Variants in MRPS5 observed in about 807,000 individuals in gnomAD.
MRPS5 encodes the protein small ribosomal subunit protein uS5m.
MRPS5 carries 27 observed loss-of-function variants against 51.9 expected under a neutral mutation model. That is an observed-to-expected ratio of 0.52 (90% CI 0.38 to 0.72). MRPS5 has a LOEUF of 0.72. Ranked by LOEUF, MRPS5 falls within the 30% of genes least tolerant of loss-of-function variation. The pLI, the probability that MRPS5 is intolerant of heterozygous loss-of-function variation, is 0.00. For missense variants in MRPS5, 570 were observed against 545.7 expected, an observed-to-expected ratio of 1.04 and a Z score of -0.44; for synonymous variants, 196 against 193.2, an observed-to-expected ratio of 1.01 and a Z score of -0.12.
chr2:95,099,565 C>T lies in MRPS5; in HGVS notation c.931+909G>A, dbSNP rs530987457. 2.6e-5 allele frequency among the ~76,000 whole-genome samples: 4 copies of T among 152,304 alleles called. No individual in the cohort carries two copies. The South Asian group carries it at 8.3e-4, about 32-fold the overall frequency. ...AGCACATCTCAATAGCCACATATTACGTGCTCAATAGCCAGGCCCGCTAGT... is the reference window on the plus strand; with the variant it reads ...AGCACATCTCAATAGCCACATATTATGTGCTCAATAGCCAGGCCCGCTAGT... On this transcript the variant is annotated intron_variant, in intron 10 of 11. Coordinates refer to ENST00000272418, the MANE Select transcript of MRPS5 (RefSeq NM_031902.5).
Position 95,087,490 on chromosome 2 carries a change from G to GGGGAC in MRPS5, c.1155_1159dup (p.Pro387ArgfsTer7). 6.2e-7 allele frequency: 1 copy of GGGGAC among 1,614,190 alleles called. No individual in the cohort carries two copies. Among genetic ancestry groups the GGGGAC allele is most frequent in the South Asian group, 1.1e-5 (1 of 91,090 alleles). On this transcript the variant is annotated frameshift_variant, in exon 12 of 12. Coordinates refer to ENST00000272418, the MANE Select transcript of MRPS5 (RefSeq NM_031902.5). LOFTEE classifies it high-confidence loss of function. Reference sequence around the variant, plus strand: ...TGGATCCTTCCTCAAGGGCCCCCGGGGGGACGCAACCACAATGGGCAGAGG... The same window carrying GGGGAC: ...TGGATCCTTCCTCAAGGGCCCCCGGGGGGACGGGACGCAACCACAATGGGCAGAGG...
chr2:95,115,713 G>A (rs1362752173), intron 2 of MRPS5, among the ~76,000 whole-genome samples: 1 of 152,188 alleles, frequency 6.6e-6, no homozygotes, highest in Non-Finnish European at 1.5e-5. Flanking sequence ...GCCTCTGGGA[G>A]ATGAGTTACT....
intron 11 of MRPS5, among the ~76,000 whole-genome samples, chr2:95,090,102 G>A (rs1049258477): frequency 6.7e-6 from 1 of 149,530 alleles, no homozygotes; most frequent in South Asian, 2.1e-4. Flanking sequence ...GCGTGAACCC[G>A]GGAGGCGGAG....
At chr2:95,089,211 A>G (rs1464582939) in intron 11 of MRPS5, among the ~76,000 whole-genome samples, 1 of 152,248 alleles carries the variant, frequency 6.6e-6, no homozygotes. Flanking sequence ...AGACAGTAAC[A>G]CACACAAAAG....
chr2:95,093,867 C>T (rs1675539357), intron 10 of MRPS5, among the ~76,000 whole-genome samples: 1 of 152,198 alleles, frequency 6.6e-6, no homozygotes, highest in African/African-American at 2.4e-5. Context: ...CAGAACAAAG[C>T]TGGATGGAGA....
intron 1 of MRPS5, among the ~76,000 whole-genome samples, chr2:95,121,500 C>A (rs1008289856): frequency 2.6e-5 from 4 of 152,196 alleles, no homozygotes; most frequent in Non-Finnish European, 5.9e-5. Context: ...TGGGAAGAAC[C>A]CTGAAGAACG....
chr2:95,099,076 G>A lies in MRPS5; in HGVS notation c.931+1398C>T, dbSNP rs1321925126. On this transcript the variant is annotated intron_variant, in intron 10 of 11. Transcript: ENST00000272418. ...TGGGACTACAGGCGCCTGCCACTGCGCCCAGCTAATTTTTTGTATTTTTAG... is the reference window on the plus strand; with the variant it reads ...TGGGACTACAGGCGCCTGCCACTGCACCCAGCTAATTTTTTGTATTTTTAG... 3.3e-5 allele frequency among the ~76,000 whole-genome samples: 5 copies of A among 151,384 alleles called. No individual in the cohort carries two copies. The South Asian group carries it at 8.4e-4, about 25-fold the overall frequency.
At chr2:95,108,443 A>C in intron 4 of MRPS5, 35 bp from the exon 5 acceptor site, 1 of 1,540,224 alleles carries the variant, frequency 6.5e-7, no homozygotes, top group Non-Finnish European at 8.9e-7. Context: ...TAATTTTGTT[A>C]AAGTACTCAT....
At chr2:95,100,705 T>C in intron 9 of MRPS5, 132 bp downstream of exon 9, 1 of 902,146 alleles carries the variant, frequency 1.1e-6, no homozygotes, top group Non-Finnish European at 1.7e-6. Flanking sequence ...GGAGATTTGT[T>C]TTCACACTTC....
At chr2:95,102,811 T>C (rs1423820220) in intron 7 of MRPS5, among the ~76,000 whole-genome samples, 4 of 152,270 alleles carry the variant, frequency 2.6e-5, no homozygotes, top group Non-Finnish European at 5.9e-5. Context: ...CACTTCACTA[T>C]GAAATACAGT....
Position 95,098,411 on chromosome 2 carries a change from T to C in MRPS5, c.931+2063A>G, listed in dbSNP as rs551515320. Among the ~76,000 whole-genome samples, 364 of 152,304 alleles carry C rather than the reference T, an allele frequency of 2.4e-3. 1 individual carries two copies. The highest frequency in any genetic ancestry group is 8.5e-3 in the African/African-American group (353 of 41,562). ...CACACATATGTTTATTGCGGCACTA[T>C]TCACAATAGCAAAGACTTGGAATCA... is the stretch of plus-strand genomic sequence containing the variant. On this transcript the variant is annotated intron_variant, in intron 10 of 11. Transcript: ENST00000272418.
At chr2:95,103,688 G>A (rs371358413) in intron 7 of MRPS5, 2 of 152,122 alleles carry the variant, frequency 1.3e-5, no homozygotes, top group Non-Finnish European at 2.9e-5. Flanking sequence ...TTCAGCAGTA[G>A]GGAAAAGGTT....
intron 2 of MRPS5, 141 bp downstream of exon 2, chr2:95,117,724 G>GT: frequency 1.5e-6 from 1 of 677,122 alleles, no homozygotes. Context: ...GATTATTGCA[G>GT]TAAGACTAAC....
chr2:95,100,996 C>A, intron 8 of MRPS5, 102 bp from the exon 9 acceptor site: 1 of 1,044,746 alleles, frequency 9.6e-7, no homozygotes, highest in South Asian at 1.5e-5. Flanking sequence ...CAAAAATTCA[C>A]TTACGCAAAA....
chr2:95,101,112 G>C (rs1244237780), intron 8 of MRPS5, among the ~76,000 whole-genome samples: 1 of 152,088 alleles, frequency 6.6e-6, no homozygotes, highest in Non-Finnish European at 1.5e-5. Context: ...GGCTAGGCAT[G>C]GTGGCTCACA....
chr2:95,117,137 T>C (rs1457480555), intron 2 of MRPS5, among the ~76,000 whole-genome samples: 6 of 146,852 alleles, frequency 4.1e-5, no homozygotes, highest in African/African-American at 1.5e-4. Flanking sequence ...CAAGACTCCA[T>C]CTCAAAAAGA....
Position 95,121,774 on chromosome 2 carries a change from G to A in MRPS5, c.18C>T (p.Arg6=), listed in dbSNP as rs993051989. The A allele has an allele frequency of 1.3e-6, 2 of 1,552,222 alleles. No homozygotes were observed. The highest frequency in any genetic ancestry group is 2.8e-5 in the African/African-American group (2 of 71,678). The change falls in exon 1 of 12, where the codon CGC becomes CGT. Residue 6 remains arginine (R), a synonymous_variant. Transcript: ENST00000272418. MATAV[R]AVGCLPVLCS... Reference sequence around the variant, plus strand: ...ACAGCACGGGGAGGCAGCCCACAGCGCGCACCGCGGTCGCCATGCTGGAGT... The same window carrying A: ...ACAGCACGGGGAGGCAGCCCACAGCACGCACCGCGGTCGCCATGCTGGAGT...
chr2:95,098,544 A>T (rs1009958066), intron 10 of MRPS5, among the ~76,000 whole-genome samples: 59 of 152,080 alleles, frequency 3.9e-4, no homozygotes, highest in African/African-American at 1.3e-3. Context: ...CTTCGTAGGG[A>T]CATGAAGCTG....
intron 1 of MRPS5, among the ~76,000 whole-genome samples, chr2:95,119,160 C>T (rs1022104634): frequency 1.3e-5 from 2 of 151,900 alleles, no homozygotes; most frequent in African/African-American, 4.8e-5. Flanking sequence ...TAAAGACAAC[C>T]CAATATAAAA....
Sources: gnomAD v4.1 joint callset for allele counts (sites outside exome capture counted in the v4.1 genomes callset) on GRCh38, gnomAD v4.1.1 for gene constraint, MANE v1.5 for transcripts, NCBI Gene and HGNC (gene_info 2026-07-23, HGNC 2026-07-21) for gene names.